Variants in SLC38A6 observed in about 807,000 individuals in gnomAD.
The protein encoded by SLC38A6 is N system amino acid transporter NAT-1.
In SLC38A6, 73 loss-of-function variants were observed where a neutral mutation model predicts 65.0. That is an observed-to-expected ratio of 1.12 (90% CI 0.93 to 1.37). SLC38A6 has a LOEUF of 1.37. Ranked by LOEUF, SLC38A6 falls within the 40% of genes most tolerant of loss-of-function variation. The pLI is 0.00. For synonymous variants in SLC38A6, 183 were observed against 178.8 expected (o/e 1.02, Z -0.19); for missense variants, 561 against 531.1 (o/e 1.06, Z -0.55).
chr14:61,033,918 C>T (rs2139691173), intron 6 of SLC38A6: 1 of 152,182 alleles, frequency 6.6e-6, no homozygotes, highest in African/African-American at 2.4e-5. Flanking sequence ...AAAGTTCAAT[C>T]CTATGAAAAG....
intron 12 of SLC38A6, among the ~76,000 whole-genome samples, chr14:61,049,201 C>T (rs963771167): frequency 1.3e-5 from 2 of 152,152 alleles, no homozygotes; most frequent in Non-Finnish European, 2.9e-5. Flanking sequence ...GTCATTATTG[C>T]ATTTCTGTGG....
intron 5 of SLC38A6, among the ~76,000 whole-genome samples, chr14:61,029,224 C>T (rs1428101250): frequency 2.0e-5 from 3 of 147,424 alleles, no homozygotes; most frequent in East Asian, 2.0e-4. Context: ...GGTGCAGTCT[C>T]GGCTCACTGC....
At chr14:61,042,086 T>TA (rs931901324) in intron 8 of SLC38A6, among the ~76,000 whole-genome samples, 5 of 152,192 alleles carry the variant, frequency 3.3e-5, no homozygotes, top group Non-Finnish European at 2.9e-5. Context: ...ATTGAAAACT[T>TA]ACCTAGAAAT....
intron 15 of SLC38A6, among the ~76,000 whole-genome samples, chr14:61,067,924 A>G (rs1228947916): frequency 6.6e-6 from 1 of 152,124 alleles, no homozygotes; most frequent in Non-Finnish European, 1.5e-5. Flanking sequence ...CCATTCACAG[A>G]TAAAAATGTT....
At chr14:61,013,193 A>T (rs1172918114) in intron 3 of SLC38A6, among the ~76,000 whole-genome samples, 2 of 152,164 alleles carry the variant, frequency 1.3e-5, no homozygotes, top group East Asian at 3.9e-4. Flanking sequence ...TTTATCAGAG[A>T]CTAGGATTGC....
At chr14:61,066,800 AC>A (rs2043032766) in intron 15 of SLC38A6, among the ~76,000 whole-genome samples, 1 of 152,174 alleles carries the variant, frequency 6.6e-6, no homozygotes, top group Non-Finnish European at 1.5e-5. Context: ...CTGTTAGTGA[AC>A]CCGTGCAGTT....
At chr14:61,029,230 A>G (rs2040794728) in intron 5 of SLC38A6, among the ~76,000 whole-genome samples, 1 of 144,806 alleles carries the variant, frequency 6.9e-6, no homozygotes, top group Non-Finnish European at 1.5e-5. Flanking sequence ...GTCTCGGCTC[A>G]CTGCAACCTC....
intron 15 of SLC38A6, among the ~76,000 whole-genome samples, chr14:61,075,592 G>T (rs924924094): frequency 6.6e-6 from 1 of 152,102 alleles, no homozygotes; most frequent in African/African-American, 2.4e-5. Context: ...GTCATCAATT[G>T]TACCTGTAGG....
intron 3 of SLC38A6, among the ~76,000 whole-genome samples, chr14:61,013,523 T>C (rs1001294059): frequency 1.2e-4 from 18 of 152,182 alleles, no homozygotes; most frequent in African/African-American, 4.3e-4. Flanking sequence ...TGACTGGTAC[T>C]GGTTGTTCCT....
intron 4 of SLC38A6, among the ~76,000 whole-genome samples, chr14:61,017,144 C>A (rs533327800): frequency 6.6e-6 from 1 of 152,074 alleles, no homozygotes; most frequent in Admixed American, 6.6e-5. Context: ...CTGGTTCAAG[C>A]GATTCTCCTG....
At chr14:61,046,746 C>A (rs1413230071) in intron 12 of SLC38A6, among the ~76,000 whole-genome samples, 1 of 152,050 alleles carries the variant, frequency 6.6e-6, no homozygotes, top group African/African-American at 2.4e-5. Context: ...TGTTTTATTT[C>A]TTTTGCAAAA....
At chr14:61,045,487 G>A (rs567363130) in intron 11 of SLC38A6, 62 bp downstream of exon 11, 11 of 1,225,582 alleles carry the variant, frequency 9.0e-6, no homozygotes, top group South Asian at 6.4e-5. Context: ...TAAGGCTTTC[G>A]GATTGAATGA....
chr14:60,999,608 T>C (rs1028999363), intron 3 of SLC38A6, among the ~76,000 whole-genome samples: 4 of 152,218 alleles, frequency 2.6e-5, no homozygotes, highest in Non-Finnish European at 4.4e-5. Flanking sequence ...TGTTACCTTA[T>C]ATGGCAAAAA....
intron 5 of SLC38A6, among the ~76,000 whole-genome samples, chr14:61,029,155 CTTTT>C (rs111427405): frequency 1.5e-5 from 2 of 130,340 alleles, no homozygotes; most frequent in Admixed American, 7.8e-5. Flanking sequence ...ACTCTTTATT[CTTTT>C]TTTTTTTTTT....
At chr14:60,992,687 G>A (rs1228093947) in intron 3 of SLC38A6, among the ~76,000 whole-genome samples, 1 of 151,756 alleles carries the variant, frequency 6.6e-6, no homozygotes, top group Non-Finnish European at 1.5e-5. Flanking sequence ...TTTCTTTAAA[G>A]ATAACTTTTT....
chr14:61,038,635 A>G (rs1404707799), intron 8 of SLC38A6, among the ~76,000 whole-genome samples: 1 of 152,208 alleles, frequency 6.6e-6, no homozygotes, highest in Non-Finnish European at 1.5e-5. Flanking sequence ...AAAACAACCT[A>G]GGGTGCATTT....
downstream of SLC38A6, chr14:61,052,950 A>G (rs1223902051): frequency 1.3e-5 from 2 of 152,650 alleles, no homozygotes; most frequent in Admixed American, 1.3e-4. Context: ...AACTCGTGTC[A>G]CGGGAATTTG....
At chr14:60,997,509 T>A (rs186785453) in intron 3 of SLC38A6, among the ~76,000 whole-genome samples, 16 of 152,196 alleles carry the variant, frequency 1.1e-4, no homozygotes, top group East Asian at 1.9e-4. Flanking sequence ...CCCTCTGGAT[T>A]GTGTTCAGGA....
At chr14:60,983,933 G>A (rs1045850929) in intron 2 of SLC38A6, among the ~76,000 whole-genome samples, 38 of 152,292 alleles carry the variant, frequency 2.5e-4, no homozygotes, top group African/African-American at 9.1e-4. Flanking sequence ...CCTGATGTCA[G>A]TTTAATGACA....
Sources: gnomAD v4.1 joint callset for allele counts (sites outside exome capture counted in the v4.1 genomes callset) on GRCh38, gnomAD v4.1.1 for gene constraint, MANE v1.5 for transcripts, NCBI Gene and HGNC (gene_info 2026-07-23, HGNC 2026-07-21) for gene names.